The following RHBDD1 variants were observed in gnomAD, a reference collection of about 807,000 sequenced individuals.
The protein encoded by RHBDD1 is rhomboid-related protein 4.
Under a neutral mutation model 36.3 loss-of-function variants are expected in RHBDD1, and 38 were observed. The observed-to-expected ratio is 1.05, with a 90% CI of 0.81 to 1.37. The LOEUF is 1.37. Ranked by LOEUF, RHBDD1 falls within the 40% of genes most tolerant of loss-of-function variation. The probability of loss-of-function intolerance (pLI) is 0.00; values close to 1 mark genes in which losing one functional copy is unlikely to be tolerated. For missense variants in RHBDD1, 393 were observed against 377.6 expected, an observed-to-expected ratio of 1.04 and a Z score of -0.34; for synonymous variants, 151 against 136.5, an observed-to-expected ratio of 1.11 and a Z score of -0.74.
intron 5 of RHBDD1, among the ~76,000 whole-genome samples, chr2:226,894,227 G>A (rs1352216541): frequency 1.3e-5 from 2 of 152,116 alleles, no homozygotes; most frequent in African/African-American, 4.8e-5. Flanking sequence ...TACTTTATAT[G>A]TCTCCTGCTG....
At chr2:226,836,292 C>T (rs533566863) in intron 1 of RHBDD1, 5 of 152,496 alleles carry the variant, frequency 3.3e-5, no homozygotes, top group East Asian at 1.9e-4. Context: ...GCGGGGAGGG[C>T]GTTTCCTGGG....
chr2:226,910,169 G>T (rs570829066), intron 7 of RHBDD1, among the ~76,000 whole-genome samples: 1 of 152,164 alleles, frequency 6.6e-6, no homozygotes, highest in South Asian at 2.1e-4. Context: ...TCTCTCTTTT[G>T]CACTCGATTT....
intron 5 of RHBDD1, among the ~76,000 whole-genome samples, chr2:226,878,076 A>G (rs1217937196): frequency 6.6e-6 from 1 of 152,236 alleles, no homozygotes; most frequent in Admixed American, 6.5e-5. Context: ...TTCATAGAGC[A>G]CATTTTGAGA....
rs529100180 is a variant in RHBDD1, at chr2:226,947,152, G to A, written c.856+32801G>A. Among the ~76,000 whole-genome samples the A allele has an allele frequency of 8.3e-4, 126 of 151,686 alleles. 1 individual carries two copies. Among genetic ancestry groups the A allele is most frequent in the African/African-American group, 2.9e-3 (121 of 41,298 alleles). On this transcript the variant is annotated intron_variant, in intron 8 of 8. Transcript: ENST00000392062. ...TTGTCTTTTGTTGCCATTGCTTTTG[G>A]TGTTTTGGACATGAAGTCCTTGCCC...
At chr2:226,828,568 C>T in the RHBDD1 span, among the ~76,000 whole-genome samples, 1 of 152,208 alleles carries the variant, frequency 6.6e-6, no homozygotes, top group Non-Finnish European at 1.5e-5. Flanking sequence ...TCTCCACATT[C>T]TTGCCCTAAT....
intron 5 of RHBDD1, among the ~76,000 whole-genome samples, chr2:226,873,317 A>G (rs977361427): frequency 2.0e-5 from 3 of 152,220 alleles, no homozygotes; most frequent in African/African-American, 7.2e-5. Flanking sequence ...CTTTAGCTGA[A>G]TCCCAAAAAT....
intron 8 of RHBDD1, among the ~76,000 whole-genome samples, chr2:226,917,935 CT>C (rs1274909562): frequency 6.6e-6 from 1 of 151,876 alleles, no homozygotes; most frequent in Non-Finnish European, 1.5e-5. Context: ...GAATATAGGA[CT>C]TTCTAAACAG....
chr2:226,808,802 G>A, the RHBDD1 span, among the ~76,000 whole-genome samples: 1 of 151,822 alleles, frequency 6.6e-6, no homozygotes, highest in African/African-American at 2.4e-5. Flanking sequence ...GATCAAAGTA[G>A]ACATGAGCCC....
At chr2:226,910,668 TA>T (rs138208679) in intron 7 of RHBDD1, among the ~76,000 whole-genome samples, 69 of 144,882 alleles carry the variant, frequency 4.8e-4, no homozygotes, top group South Asian at 1.1e-3. Context: ...AGTATATAAC[TA>T]AAAAAAAAAA....
chr2:226,894,945 A>T (rs2125532765), intron 5 of RHBDD1, among the ~76,000 whole-genome samples: 1 of 152,280 alleles, frequency 6.6e-6, no homozygotes, highest in Admixed American at 6.5e-5. Context: ...CATGGAGGGC[A>T]AAAGGAATGG....
chr2:226,878,040 G>A (rs1233510194), intron 5 of RHBDD1, among the ~76,000 whole-genome samples: 2 of 152,152 alleles, frequency 1.3e-5, no homozygotes, highest in Non-Finnish European at 2.9e-5. Context: ...GTGAACCTCT[G>A]GAAGGGTCTT....
chr2:226,880,478 G>A (rs892379643), intron 5 of RHBDD1, among the ~76,000 whole-genome samples: 1 of 152,198 alleles, frequency 6.6e-6, no homozygotes, highest in Non-Finnish European at 1.5e-5. Context: ...ATTCCCTTGA[G>A]TCAGATTTTA....
intron 3 of RHBDD1, among the ~76,000 whole-genome samples, chr2:226,852,000 G>A (rs1438224474): frequency 2.0e-5 from 3 of 152,160 alleles, no homozygotes; most frequent in African/African-American, 4.8e-5. Flanking sequence ...AGGCCAGCAC[G>A]GTTGCTGAAG....
intron 8 of RHBDD1, among the ~76,000 whole-genome samples, chr2:226,943,975 AG>A (rs1465654948): frequency 6.6e-6 from 1 of 152,190 alleles, no homozygotes; most frequent in Non-Finnish European, 1.5e-5. Flanking sequence ...GCTCTGAGGA[AG>A]GGATCCAAGT....
intron 8 of RHBDD1, among the ~76,000 whole-genome samples, chr2:226,949,028 A>G (rs554948345): frequency 5.4e-4 from 83 of 152,318 alleles, no homozygotes; most frequent in African/African-American, 1.9e-3. Context: ...CCCATTCACA[A>G]TTGCTACAAA....
intron 5 of RHBDD1, among the ~76,000 whole-genome samples, chr2:226,875,146 T>A (rs975458690): frequency 5.3e-5 from 8 of 152,256 alleles, no homozygotes; most frequent in African/African-American, 1.9e-4. Context: ...TACCTTTGTA[T>A]CTTAACCATC....
intron 3 of RHBDD1, among the ~76,000 whole-genome samples, chr2:226,852,087 C>T (rs1430858503): frequency 6.6e-6 from 1 of 152,198 alleles, no homozygotes; most frequent in African/African-American, 2.4e-5. Flanking sequence ...TTTCTGTAAA[C>T]ACTCTGAATC....
chr2:226,906,178 G>T (rs1036566938), intron 5 of RHBDD1, among the ~76,000 whole-genome samples: 2 of 152,156 alleles, frequency 1.3e-5, no homozygotes, highest in Admixed American at 1.3e-4. Flanking sequence ...ATGCCCTAAC[G>T]CAAACACTTT....
At chr2:226,879,605 G>T (rs1945536444) in intron 5 of RHBDD1, among the ~76,000 whole-genome samples, 1 of 152,186 alleles carries the variant, frequency 6.6e-6, no homozygotes, top group African/African-American at 2.4e-5. Flanking sequence ...AGGAGAAAAT[G>T]AGGTATAAAA....
Sources: gnomAD v4.1 joint callset for allele counts (sites outside exome capture counted in the v4.1 genomes callset) on GRCh38, gnomAD v4.1.1 for gene constraint, MANE v1.5 for transcripts, NCBI Gene and HGNC (gene_info 2026-07-23, HGNC 2026-07-21) for gene names.